The following EPG5 variants were observed in gnomAD, a reference collection of about 807,000 sequenced individuals.
EPG5 encodes the protein ectopic P granules protein 5 homolog.
Under a neutral mutation model 302.7 loss-of-function variants are expected in EPG5, and 159 were observed. That is an observed-to-expected ratio of 0.53 (90% confidence interval 0.46 to 0.60). EPG5 has a LOEUF of 0.60. Ranked by LOEUF, EPG5 falls within the 20% of genes least tolerant of loss-of-function variation. EPG5 has a pLI of 0.00. For missense variants in EPG5, 2,896 were observed against 3,092.4 expected (o/e 0.94, Z 1.51); for synonymous variants, 1,158 against 1,136.8 (o/e 1.02, Z -0.37).
intron 8 of EPG5, among the ~76,000 whole-genome samples, 155 bp downstream of exon 8, chr18:45,943,850 G>T (rs1396951978): frequency 6.6e-6 from 1 of 152,096 alleles, no homozygotes; most frequent in Non-Finnish European, 1.5e-5. Context: ...GAACCTGGGA[G>T]GCAGAGCTTG....
the EPG5 span, among the ~76,000 whole-genome samples, chr18:45,836,233 G>T: frequency 1.3e-5 from 2 of 152,148 alleles, no homozygotes; most frequent in South Asian, 4.1e-4. Flanking sequence ...GTGTGACTCT[G>T]AGCCTTCATT....
chr18:45,899,855 G>C lies in EPG5; in HGVS notation c.4647-289C>G, dbSNP rs562058424. Among the ~76,000 whole-genome samples the C allele has an allele frequency of 1.4e-4, 21 of 152,238 alleles. No individual in the cohort carries two copies. The East Asian group carries it at 1.5e-3, about 11-fold the overall frequency. ...CATGTTATACCAACAGACCCTACAAGAACAACTGAGAATTCTATCCTAACT... is the reference window on the plus strand; with the variant it reads ...CATGTTATACCAACAGACCCTACAACAACAACTGAGAATTCTATCCTAACT... On this transcript the variant is annotated intron_variant, in intron 26 of 43. Coordinates refer to ENST00000282041, the MANE Select transcript of EPG5 (RefSeq NM_020964.3).
intron 24 of EPG5, among the ~76,000 whole-genome samples, chr18:45,906,816 G>T (rs560095778): frequency 3.3e-5 from 5 of 152,018 alleles, no homozygotes; most frequent in African/African-American, 1.2e-4. Flanking sequence ...CACCATGCCC[G>T]GCTAATTTTT....
At chr18:45,836,918 G>A in the EPG5 span, 5 of 693,364 alleles carry the variant, frequency 7.2e-6, no homozygotes, top group East Asian at 5.2e-5. Context: ...AGAGTGAGGC[G>A]ATCCTGAACG....
At chr18:45,946,524 T>C (rs1047492525) in intron 7 of EPG5, 139 bp downstream of exon 7, 20 of 638,596 alleles carry the variant, frequency 3.1e-5, no homozygotes, top group Non-Finnish European at 4.1e-5. Flanking sequence ...ATCTATAAAA[T>C]AGGAATCATA....
intron 27 of EPG5, among the ~76,000 whole-genome samples, chr18:45,895,444 GA>G (rs34004717): frequency 0.21 from 31,390 of 151,656 alleles, 3,592 homozygotes; most frequent in Admixed American, 0.32. Flanking sequence ...ACACTCTCCA[GA>G]AAAAAAAATT....
At chr18:45,842,934 T>C (rs1331456610), downstream of EPG5, 1 of 152,448 alleles carries the variant, frequency 6.6e-6, no homozygotes, top group Admixed American at 6.5e-5. Flanking sequence ...CCTGGAAACT[T>C]GGTGGCAGGG....
chr18:45,883,571 C>T (rs2049148845), intron 30 of EPG5, among the ~76,000 whole-genome samples: 1 of 150,636 alleles, frequency 6.6e-6, no homozygotes, highest in Non-Finnish European at 1.5e-5. Context: ...AGCAATTCTC[C>T]CACCTCAGCC....
Position 45,952,599 on chromosome 18 carries a change from G to C in EPG5, c.1053C>G (p.Tyr351Ter). Reference protein sequence around the residue: ...DQVKVFSYHRYQRVEMNENAL... With the variant: ...DQVKVFSYHR Reference sequence around the variant, plus strand: ...CATTTTCATTCATTTCTACTCTTTGGTAGCGATGATAGCTGAAAACTTTCA... The same window carrying C: ...CATTTTCATTCATTTCTACTCTTTGCTAGCGATGATAGCTGAAAACTTTCA... The change falls in exon 3 of 44, where the codon TAC becomes TAG. Residue 351 changes from tyrosine to a stop codon, truncating the protein, a stop_gained. Transcript: ENST00000282041. LOFTEE classifies it high-confidence loss of function. 1 of 1,614,114 alleles carries C rather than the reference G, an allele frequency of 6.2e-7. No homozygotes were observed.
chr18:45,872,840 T>C (rs933437348), intron 35 of EPG5, among the ~76,000 whole-genome samples: 35 of 152,310 alleles, frequency 2.3e-4, no homozygotes, highest in African/African-American at 7.5e-4. Flanking sequence ...AGGTTAATGA[T>C]AGCATTCGTT....
At chr18:45,842,259 C>A in the EPG5 span, 1 of 1,554,946 alleles carries the variant, frequency 6.4e-7, no homozygotes, top group Non-Finnish European at 8.9e-7. Flanking sequence ...TTGGCTGGCA[C>A]AGCCAGTCCT....
the EPG5 span, among the ~76,000 whole-genome samples, chr18:45,816,755 C>T: frequency 2.0e-5 from 3 of 152,314 alleles, no homozygotes; most frequent in South Asian, 4.1e-4. Context: ...AGCTAGCAAT[C>T]CCACTACTGG....
the EPG5 span, among the ~76,000 whole-genome samples, chr18:45,801,574 G>A: frequency 2.6e-5 from 4 of 152,340 alleles, no homozygotes; most frequent in South Asian, 8.3e-4. Flanking sequence ...TGAGCTTAGT[G>A]TGCAACCCAG....
chr18:45,842,052 A>G, the EPG5 span: 1 of 1,539,922 alleles, frequency 6.5e-7, no homozygotes. Context: ...TAGTTTGGGC[A>G]GTTGTGGACC....
At chr18:45,915,460 G>A (rs2050007332) in intron 20 of EPG5, 51 bp downstream of exon 20, 1 of 1,256,136 alleles carries the variant, frequency 8.0e-7, no homozygotes. Flanking sequence ...GGATGATCAT[G>A]AGATTAAAGT....
chr18:45,830,924 ATGTGCTTTCT>A, the EPG5 span, among the ~76,000 whole-genome samples: 2 of 152,182 alleles, frequency 1.3e-5, no homozygotes, highest in East Asian at 3.9e-4. Context: ...AAAATGCTTT[ATGTGCTTTCT>A]TGTCATTTTT....
chr18:45,891,701 T>A (rs924453763), intron 27 of EPG5, among the ~76,000 whole-genome samples: 2 of 152,124 alleles, frequency 1.3e-5, no homozygotes, highest in African/African-American at 4.8e-5. Context: ...AAAAAAGCTC[T>A]GTGACATCAA....
chr18:45,891,188 T>C (rs1053502845), intron 27 of EPG5, among the ~76,000 whole-genome samples: 6 of 152,132 alleles, frequency 3.9e-5, no homozygotes, highest in African/African-American at 1.4e-4. Flanking sequence ...GTTATTATCA[T>C]AAATTCTGTA....
At chr18:45,940,421 C>T (rs2050637468) in intron 9 of EPG5, among the ~76,000 whole-genome samples, 1 of 152,262 alleles carries the variant, frequency 6.6e-6, no homozygotes, top group South Asian at 2.1e-4. Context: ...ATAAGGAACA[C>T]TGGCTGTTTA....
Sources: allele counts gnomAD v4.1 joint callset (sites outside exome capture counted in the v4.1 genomes callset), GRCh38; gene constraint gnomAD v4.1.1; transcripts MANE v1.5; gene names NCBI Gene and HGNC (gene_info 2026-07-23, HGNC 2026-07-21).